REEP1: variants seen among roughly 807,000 people sequenced by gnomAD.
The protein encoded by REEP1 is receptor accessory protein 1.
A neutral mutation model predicts 40.3 loss-of-function variants in REEP1; 22 were observed. The ratio of observed to expected loss-of-function variants is 0.55; its 90% CI spans 0.39 to 0.78. REEP1 has a LOEUF of 0.78. Among genes scored for constraint, REEP1 ranks in the 30% least tolerant of loss-of-function variants. The probability of loss-of-function intolerance (pLI) is 0.00; values close to 1 mark genes in which losing one functional copy is unlikely to be tolerated. For missense variants in REEP1, 280 were observed against 361.1 expected (o/e 0.78, Z 1.82); for synonymous variants, 116 against 139.2 (o/e 0.83, Z 1.17).
At chr2:86,306,675 T>C (rs551937728) in intron 1 of REEP1, among the ~76,000 whole-genome samples, 12 of 152,280 alleles carry the variant, frequency 7.9e-5, no homozygotes, top group East Asian at 3.9e-4. Flanking sequence ...AAATTGGTGT[T>C]TGGTAGTAGT....
intron 1 of REEP1, among the ~76,000 whole-genome samples, chr2:86,314,945 C>T (rs1480466886): frequency 6.6e-6 from 1 of 151,980 alleles, no homozygotes; most frequent in Non-Finnish European, 1.5e-5. Context: ...CACTCACCTC[C>T]GTCTCCCGAA....
chr2:86,251,808 T>C, intron 5 of REEP1, 149 bp downstream of exon 5: 1 of 734,106 alleles, frequency 1.4e-6, no homozygotes. Context: ...AGATTCAGCA[T>C]TTTTTTCCAT....
chr2:86,227,537 T>C, intron 6 of REEP1, 139 bp from the exon 7 acceptor site: 2 of 599,326 alleles, frequency 3.3e-6, no homozygotes, highest in Non-Finnish European at 4.9e-6. Flanking sequence ...TGGGTCTCTG[T>C]AGAGACACCA....
upstream of REEP1, chr2:86,337,671 C>A (rs1174849332): frequency 4.9e-6 from 5 of 1,012,856 alleles, no homozygotes; most frequent in African/African-American, 1.7e-5. The surrounding 1 kb of genome is among the most constrained non-coding windows in gnomAD (Gnocchi z 5.8). Context: ...TTGGCGCAGC[C>A]GCGGCACGTT....
chr2:86,323,300 T>C (rs1037321159), intron 1 of REEP1, among the ~76,000 whole-genome samples: 1 of 152,276 alleles, frequency 6.6e-6, no homozygotes, highest in South Asian at 2.1e-4. Flanking sequence ...TGTTTGTGTA[T>C]GTGCTGTAAC....
chr2:86,277,701 G>A (rs1002057361), intron 2 of REEP1, among the ~76,000 whole-genome samples: 16 of 152,160 alleles, frequency 1.1e-4, no homozygotes, highest in East Asian at 1.9e-4. Flanking sequence ...TGAAAGCAAC[G>A]GGAGCATGAA....
intron 1 of REEP1, among the ~76,000 whole-genome samples, chr2:86,315,617 T>G (rs1679959700): frequency 6.6e-6 from 1 of 152,198 alleles, no homozygotes; most frequent in Non-Finnish European, 1.5e-5. Context: ...CAACAGCTGC[T>G]GCACAGGGGG....
rs1337560146 is a variant in REEP1 at position 86,254,813 on chromosome 2, A to G, written c.184T>C (p.Phe62Leu). 2 of 1,613,902 alleles carry G rather than the reference A, an allele frequency of 1.2e-6. No individual in the cohort carries two copies. Among genetic ancestry groups the G allele is most frequent in the African/African-American group, 1.3e-5 (1 of 74,910 alleles). Residue 62 changes from phenylalanine to leucine, a missense_variant and splice_region_variant, in exon 4 of 9, where the codon TTT (phenylalanine) becomes CTT (leucine). Physicochemically the swap from Phe to Leu is conservative, Grantham distance 22 (BLOSUM62 0). Coordinates refer to ENST00000538924, the MANE Select transcript of REEP1 (RefSeq NM_001371279.1). ...ATTTTTAGTTCATAATAGAATGGAA[A>G]CCTGGAGAGAGAGATGAAAACACAA... ...ETFTDIFLCW[F>L]PFYYELKIAF... is the part of the protein sequence containing the mutation.
intron 5 of REEP1, among the ~76,000 whole-genome samples, chr2:86,237,598 C>T (rs1343955550): frequency 1.3e-5 from 2 of 152,184 alleles, no homozygotes; most frequent in Non-Finnish European, 2.9e-5. Context: ...TCTTGGCTCA[C>T]TGCAACCTCT....
chr2:86,224,353 A>T (rs538803637), intron 7 of REEP1, among the ~76,000 whole-genome samples: 13 of 152,308 alleles, frequency 8.5e-5, no homozygotes, highest in Admixed American at 2.6e-4. Flanking sequence ...GTCAGCCTAT[A>T]GCCCCAGGTG....
Position 86,249,131 on chromosome 2 carries a change from C to A in REEP1, c.417+2826G>T, listed in dbSNP as rs1400940848. ...AAAATTAGACAGGCATGGTGGCAGG[C>A]GCCTATAATCCCAGCTACTCAGGAG... On this transcript the variant is annotated intron_variant, in intron 5 of 8. Transcript: ENST00000538924. Among the ~76,000 whole-genome samples the A allele has an allele frequency of 2.0e-5, 3 of 152,012 alleles. No homozygotes were observed. The East Asian group carries it at 5.8e-4, about 29-fold the overall frequency.
At chr2:86,269,746 A>C (rs1195141182) in intron 2 of REEP1, among the ~76,000 whole-genome samples, 1 of 152,164 alleles carries the variant, frequency 6.6e-6, no homozygotes, top group Non-Finnish European at 1.5e-5. Flanking sequence ...AAAATTAAAA[A>C]CTTCCGCTCT....
intron 2 of REEP1, among the ~76,000 whole-genome samples, chr2:86,275,974 TCAC>T (rs1434574551): frequency 1.1e-4 from 17 of 152,190 alleles, no homozygotes; most frequent in African/African-American, 4.1e-4. Context: ...ACGCTTATGC[TCAC>T]CAACAGGTCC....
At chr2:86,224,168 T>C (rs1674572711) in intron 7 of REEP1, among the ~76,000 whole-genome samples, 1 of 152,152 alleles carries the variant, frequency 6.6e-6, no homozygotes, top group African/African-American at 2.4e-5. Flanking sequence ...GACCTGAATT[T>C]ACAACTCCTA....
At chr2:86,242,203 C>T (rs1485566972) in intron 5 of REEP1, among the ~76,000 whole-genome samples, 1 of 152,148 alleles carries the variant, frequency 6.6e-6, no homozygotes, top group Non-Finnish European at 1.5e-5. Flanking sequence ...ATGATCATCC[C>T]TGTTTGCAGG....
At chr2:86,313,540 C>T (rs1344103451) in intron 1 of REEP1, among the ~76,000 whole-genome samples, 2 of 152,180 alleles carry the variant, frequency 1.3e-5, no homozygotes, top group African/African-American at 4.8e-5. Flanking sequence ...AAGTGACTCA[C>T]CCAGTGTCAC....
intron 1 of REEP1, among the ~76,000 whole-genome samples, chr2:86,316,657 G>A (rs571142236): frequency 1.1e-4 from 17 of 151,496 alleles, no homozygotes; most frequent in Non-Finnish European, 2.2e-4. Context: ...TCAGGAGTTC[G>A]AGACCAGCCT....
intron 1 of REEP1, among the ~76,000 whole-genome samples, chr2:86,311,820 G>A (rs1053434147): frequency 6.6e-6 from 1 of 152,052 alleles, no homozygotes; most frequent in Non-Finnish European, 1.5e-5. Flanking sequence ...CTATGTGCTG[G>A]CCTTAGAAGC....
At chr2:86,301,636 AT>A (rs1289821385) in intron 1 of REEP1, among the ~76,000 whole-genome samples, 1 of 152,230 alleles carries the variant, frequency 6.6e-6, no homozygotes, top group African/African-American at 2.4e-5. Context: ...TGACAATGTA[AT>A]GTCAATTTTA....
Sources: gnomAD v4.1 joint callset for allele counts (sites outside exome capture counted in the v4.1 genomes callset) on GRCh38, gnomAD v4.1.1 for gene constraint, Gnocchi (gnomAD v3.1) non-coding constraint, MANE v1.5 for transcripts, NCBI Gene and HGNC (gene_info 2026-07-23, HGNC 2026-07-21) for gene names.